The following TPO variants were observed in gnomAD, a reference collection of about 807,000 sequenced individuals.
TPO encodes the protein thyroid microsomal antigen.
TPO carries 78 observed loss-of-function variants against 96.9 expected under a neutral mutation model. The observed-to-expected ratio is 0.81, with a 90% CI of 0.67 to 0.97. The LOEUF (loss-of-function observed/expected upper bound fraction) is 0.97, where lower values mean the gene tolerates loss of function less well. TPO is among the 50% of genes least tolerant of loss of function. The pLI, the probability that TPO is intolerant of heterozygous loss-of-function variation, is 0.00. For synonymous variants in TPO, 547 were observed against 538.0 expected (o/e 1.02, Z -0.23); for missense variants, 1,252 against 1,274.8 (o/e 0.98, Z 0.27).
chr2:1,392,022 G>A (rs1662008904), intron 1 of TPO, among the ~76,000 whole-genome samples: 1 of 152,166 alleles, frequency 6.6e-6, no homozygotes, highest in South Asian at 2.1e-4. Context: ...TCTCCTGCCT[G>A]ATTGCCCTGG....
chr2:1,541,048 C>T (rs1220299817), intron 16 of TPO: 1 of 1,288,268 alleles, frequency 7.8e-7, no homozygotes, highest in African/African-American at 1.5e-5. Flanking sequence ...TGAAGCAAAA[C>T]CCTGACTTTT....
chr2:1,524,243 C>CCCCCACTGTGTGCAACCTCCTCAAATCT (rs1675893644), intron 15 of TPO, among the ~76,000 whole-genome samples: 1 of 147,008 alleles, frequency 6.8e-6, no homozygotes, highest in African/African-American at 2.5e-5. Context: ...TCCTCAAATC[C>CCCCCACTGTGTGCAACCTCCTCAAATCT]CCCCACTGTG....
intron 3 of TPO, among the ~76,000 whole-genome samples, chr2:1,432,165 C>T (rs1253996361): frequency 6.6e-6 from 1 of 152,262 alleles, no homozygotes; most frequent in Non-Finnish European, 1.5e-5. Flanking sequence ...AGGCCTGGCC[C>T]TGCCAGCTTT....
chr2:1,526,120 C>G (rs1435410160), intron 15 of TPO, among the ~76,000 whole-genome samples: 16 of 83,862 alleles, frequency 1.9e-4, no homozygotes, highest in African/African-American at 5.9e-4. Flanking sequence ...CCCCCCGACT[C>G]TGTGCAACCT....
intron 1 of TPO, among the ~76,000 whole-genome samples, chr2:1,377,401 G>A (rs1014757543): frequency 6.6e-6 from 1 of 152,196 alleles, no homozygotes; most frequent in African/African-American, 2.4e-5. Flanking sequence ...ATTTTCAAAA[G>A]TTAGCCTCGA....
In TPO at chr2:1,543,465, GC is replaced by G. The variant is rs1680938191; in HGVS notation, c.*992del. 6.6e-6 allele frequency: 1 copy of G among 152,154 alleles called. No individual in the cohort carries two copies. The highest frequency in any genetic ancestry group is 2.4e-5 in the African/African-American group (1 of 41,432). 9.4% of individuals were successfully genotyped at this position (152,154 alleles called of 1,614,324 possible). ...CGAATGACAACAGTGGCACAGGAGG[GC>G]TATGAACATTTTGCTTCAGGATGTT... is the stretch of plus-strand genomic sequence containing the variant. On this transcript the variant is annotated 3_prime_UTR_variant, in exon 17 of 17. Transcript: ENST00000329066.
At chr2:1,416,267 G>C (rs910193125) in intron 2 of TPO, among the ~76,000 whole-genome samples, 10 of 152,130 alleles carry the variant, frequency 6.6e-5, no homozygotes, top group Non-Finnish European at 1.5e-4. Context: ...CTATCACCTG[G>C]AACATGCTAG....
At chr2:1,428,003 G>A (rs75192961) in intron 3 of TPO, among the ~76,000 whole-genome samples, 2,556 of 152,234 alleles carry the variant, frequency 0.017, 87 homozygotes, top group East Asian at 0.13. Flanking sequence ...TCCCCAAACC[G>A]AGAGCGATCC....
intron 15 of TPO, among the ~76,000 whole-genome samples, chr2:1,531,051 T>TC (rs1678042830): frequency 1.3e-4 from 2 of 15,126 alleles, no homozygotes; most frequent in Non-Finnish European, 2.2e-4. Context: ...CCCCCCCAAA[T>TC]ACCCCCACTA....
At chr2:1,432,649 GAGGAGAGGCC>G (rs1665122736) in intron 3 of TPO, among the ~76,000 whole-genome samples, 1 of 111,598 alleles carries the variant, frequency 9.0e-6, no homozygotes, top group African/African-American at 3.8e-5. Context: ...GCCTGCAGGT[GAGGAGAGGCC>G]TGCAGGTGGG....
chr2:1,538,822 G>A (rs952814977), intron 15 of TPO, among the ~76,000 whole-genome samples: 3 of 152,252 alleles, frequency 2.0e-5, no homozygotes, highest in South Asian at 4.2e-4. Flanking sequence ...GCAAGTCACG[G>A]TGTTGGCAGG....
chr2:1,476,980 A>C, intron 7 of TPO, 106 bp from the exon 8 acceptor site: 1 of 1,400,354 alleles, frequency 7.1e-7, no homozygotes, highest in Non-Finnish European at 9.6e-7. Flanking sequence ...CTGGAGGGGC[A>C]GAGAAACGTG....
intron 9 of TPO, among the ~76,000 whole-genome samples, chr2:1,487,610 G>T: frequency 6.6e-6 from 1 of 152,138 alleles, no homozygotes; most frequent in African/African-American, 2.4e-5. Context: ...GGTAGCGGGC[G>T]CCTGTAGTCC....
intron 7 of TPO, among the ~76,000 whole-genome samples, chr2:1,459,875 GC>G (rs1441913739): frequency 6.6e-6 from 1 of 152,066 alleles, no homozygotes; most frequent in Non-Finnish European, 1.5e-5. Flanking sequence ...TCTCTGCAGA[GC>G]CCCCTCACCA....
intron 15 of TPO, among the ~76,000 whole-genome samples, chr2:1,534,530 CTG>C (rs112013781): frequency 0.35 from 19,200 of 55,252 alleles, 3,974 homozygotes; most frequent in South Asian, 0.39. Flanking sequence ...CCCTCCCACT[CTG>C]TGCAACCTCC....
chr2:1,538,936 C>T (rs764801583), intron 15 of TPO, among the ~76,000 whole-genome samples: 8 of 152,148 alleles, frequency 5.3e-5, no homozygotes, highest in South Asian at 2.1e-4. Context: ...AGACTCCTCA[C>T]GCCAACCTCT....
intron 10 of TPO, among the ~76,000 whole-genome samples, 164 bp from the exon 11 acceptor site, chr2:1,493,638 G>T (rs116252374): frequency 0.013 from 1,877 of 139,360 alleles, 152 homozygotes; most frequent in African/African-American, 0.056. Context: ...GCCGGGCGTC[G>T]GAGCTGGAAT....
At chr2:1,414,695 A>G (rs1662709652) in intron 2 of TPO, among the ~76,000 whole-genome samples, 193 bp downstream of exon 2, 1 of 152,204 alleles carries the variant, frequency 6.6e-6, no homozygotes, top group African/African-American at 2.4e-5. Flanking sequence ...TTTCTTTAAA[A>G]AAGAGCTGAT....
intron 10 of TPO, among the ~76,000 whole-genome samples, chr2:1,492,351 C>G (rs1235508175): frequency 6.6e-6 from 1 of 152,124 alleles, no homozygotes; most frequent in Non-Finnish European, 1.5e-5. Flanking sequence ...GATGGAGTTT[C>G]ACCATGTTGG....
Sources: allele counts gnomAD v4.1 joint callset (sites outside exome capture counted in the v4.1 genomes callset), GRCh38; gene constraint gnomAD v4.1.1; transcripts MANE v1.5; gene names NCBI Gene and HGNC (gene_info 2026-07-23, HGNC 2026-07-21).